STK39: variants seen among roughly 807,000 people sequenced by gnomAD.
STK39 encodes the protein STE20/SPS1-related proline-alanine-rich protein kinase.
STK39 carries 20 observed loss-of-function variants against 77.8 expected under a neutral mutation model. The observed-to-expected ratio is 0.26, with a 90% CI of 0.18 to 0.37. The LOEUF is 0.37. Ranked by LOEUF, STK39 falls within the 10% of genes least tolerant of loss-of-function variation. STK39 has a pLI of 1.00. For missense variants in STK39, 479 were observed against 656.5 expected, an observed-to-expected ratio of 0.73 and a Z score of 2.95; for synonymous variants, 246 against 234.1, an observed-to-expected ratio of 1.05 and a Z score of -0.47.
intron 14 of STK39, among the ~76,000 whole-genome samples, chr2:168,021,660 C>A (rs952789965): frequency 6.6e-6 from 1 of 151,990 alleles, no homozygotes; most frequent in African/African-American, 2.4e-5. Context: ...CACTCGGCTG[C>A]CTTTGATAAT....
chr2:168,236,486 T>C (rs1224637022), intron 1 of STK39, among the ~76,000 whole-genome samples: 9 of 152,232 alleles, frequency 5.9e-5, no homozygotes, highest in Non-Finnish European at 1.3e-4. Context: ...TTGGCTTTTG[T>C]TGCCATTGCT....
intron 1 of STK39, among the ~76,000 whole-genome samples, chr2:168,190,275 T>A (rs1348002013): frequency 6.6e-6 from 1 of 152,192 alleles, no homozygotes. Flanking sequence ...AAGTTGGGTC[T>A]ACACAGAGGA....
At chr2:168,043,608 C>G (rs1685164941) in intron 14 of STK39, among the ~76,000 whole-genome samples, 1 of 152,244 alleles carries the variant, frequency 6.6e-6, no homozygotes, top group Non-Finnish European at 1.5e-5. Flanking sequence ...TAGGTTACAA[C>G]TAACTCAGAA....
chr2:168,023,751 T>C (rs1357694003), intron 14 of STK39, among the ~76,000 whole-genome samples: 1 of 152,176 alleles, frequency 6.6e-6, no homozygotes, highest in African/African-American at 2.4e-5. Flanking sequence ...ACTGGCATTG[T>C]ATACCCTCCA....
At chr2:168,129,204 T>G (rs1232665685) in intron 10 of STK39, among the ~76,000 whole-genome samples, 1 of 152,238 alleles carries the variant, frequency 6.6e-6, no homozygotes, top group Admixed American at 6.5e-5. Flanking sequence ...AAAGTGAGCA[T>G]GCCTCTTCTG....
chr2:168,026,897 C>G (rs1684712027), intron 14 of STK39, among the ~76,000 whole-genome samples: 1 of 152,120 alleles, frequency 6.6e-6, no homozygotes, highest in African/African-American at 2.4e-5. Flanking sequence ...GAGGGAAGAT[C>G]ACTTGAACCC....
chr2:168,173,084 A>C (rs1688868412), intron 2 of STK39, among the ~76,000 whole-genome samples: 1 of 152,168 alleles, frequency 6.6e-6, no homozygotes, highest in Non-Finnish European at 1.5e-5. Context: ...TAAGTGCTGA[A>C]ATGTATTTTT....
intron 5 of STK39, among the ~76,000 whole-genome samples, chr2:168,146,989 C>T (rs1688156629): frequency 6.6e-6 from 1 of 152,162 alleles, no homozygotes; most frequent in Admixed American, 6.5e-5. Flanking sequence ...ATTCACAGTC[C>T]TTCAGAAAGG....
chr2:168,209,091 A>G (rs559165918), intron 1 of STK39, among the ~76,000 whole-genome samples: 1 of 152,258 alleles, frequency 6.6e-6, no homozygotes, highest in South Asian at 2.1e-4. Flanking sequence ...AATTCAGAGA[A>G]GCCTACAAAC....
chr2:168,046,420 G>A (rs1390481274), intron 14 of STK39, among the ~76,000 whole-genome samples: 4 of 152,088 alleles, frequency 2.6e-5, no homozygotes, highest in South Asian at 2.1e-4. Flanking sequence ...AGTGAGACAC[G>A]GCAGAGTGCA....
chr2:167,964,401 C>T (rs1215173367), intron 17 of STK39: 1 of 382,640 alleles, frequency 2.6e-6, no homozygotes, highest in Non-Finnish European at 4.6e-6. Context: ...ATGATCTAGG[C>T]TTCAAGATTC....
intron 5 of STK39, among the ~76,000 whole-genome samples, chr2:168,152,812 C>T (rs550557779): frequency 1.4e-4 from 22 of 152,214 alleles, no homozygotes; most frequent in Non-Finnish European, 2.8e-4. Context: ...TCCGCAGAGA[C>T]AGGCATGAAC....
At chr2:168,151,642 C>G (rs3820873) in intron 5 of STK39, among the ~76,000 whole-genome samples, 62,902 of 150,578 alleles carry the variant, frequency 0.42, 14,756 homozygotes, top group East Asian at 0.68. Context: ...GTGAGGCTGA[C>G]GCAGGAGAAT....
chr2:168,151,990 G>C (rs1688299851), intron 5 of STK39, among the ~76,000 whole-genome samples: 1 of 152,186 alleles, frequency 6.6e-6, no homozygotes, highest in African/African-American at 2.4e-5. Context: ...ATCTATGTCA[G>C]AGCTACAGAA....
At chr2:168,147,978 A>C (rs899029064) in intron 5 of STK39, among the ~76,000 whole-genome samples, 1 of 152,196 alleles carries the variant, frequency 6.6e-6, no homozygotes, top group Admixed American at 6.5e-5. Flanking sequence ...CCTAAAGTGC[A>C]GTTTCTGATC....
chr2:168,150,226 T>C (rs1489735933), intron 5 of STK39, among the ~76,000 whole-genome samples: 4 of 152,168 alleles, frequency 2.6e-5, no homozygotes. Flanking sequence ...ACCTCTCAGA[T>C]GAAGAGAACC....
At chr2:167,992,161 G>C (rs1178280815) in intron 16 of STK39, among the ~76,000 whole-genome samples, 1 of 152,076 alleles carries the variant, frequency 6.6e-6, no homozygotes, top group Non-Finnish European at 1.5e-5. Context: ...GAGAAGAGGG[G>C]ACAGAATTTT....
In STK39 at chr2:168,218,138, G is replaced by T. The variant is rs972126295; in HGVS notation, c.208+29090C>A. Among the ~76,000 whole-genome samples, 7 of 152,300 alleles carry T rather than the reference G, an allele frequency of 4.6e-5. No homozygotes were observed. In the East Asian group the frequency reaches 1.2e-3, roughly 25 times the overall value. On this transcript the variant is annotated intron_variant, in intron 1 of 17. Transcript: ENST00000355999. ...GCTAAAGGGAATTGTAATGGAGAAA[G>T]AATTTAAACAGAACTAGACCACATA...
Position 168,198,034 on chromosome 2 carries a change from G to A in STK39, c.209-15944C>T, listed in dbSNP as rs1357580028. 4.2e-5 allele frequency among the ~76,000 whole-genome samples: 5 copies of A among 120,354 alleles called. No homozygotes were observed. In the Admixed American group the frequency reaches 4.3e-4, roughly 10 times the overall value. The allele number at this position is 120,354 out of a possible 152,430, so 79.0% of individuals were successfully genotyped here. A position where few individuals can be genotyped will look rare whatever the true frequency, so the allele number is the denominator to read the frequency against. On this transcript the variant is annotated intron_variant, in intron 1 of 17. Coordinates refer to ENST00000355999, the MANE Select transcript of STK39 (RefSeq NM_013233.3). ...GCCTGGGCAAAAAGAACGAAACTCG[G>A]TCTCAAAAAAAAAAAAAAAGTAAAA... is the stretch of plus-strand genomic sequence containing the variant.
Sources: gnomAD v4.1 joint callset for allele counts (sites outside exome capture counted in the v4.1 genomes callset) on GRCh38, gnomAD v4.1.1 for gene constraint, MANE v1.5 for transcripts, NCBI Gene and HGNC (gene_info 2026-07-23, HGNC 2026-07-21) for gene names.